PRPF40B: variants seen among roughly 807,000 people sequenced by gnomAD.
PRPF40B encodes pre-mRNA processing factor 40B.
PRPF40B carries 56 observed loss-of-function variants against 124.5 expected under a neutral mutation model. That is an observed-to-expected ratio of 0.45 (90% CI 0.36 to 0.56). The LOEUF (loss-of-function observed/expected upper bound fraction) is 0.56, where lower values mean the gene tolerates loss of function less well. PRPF40B is among the 20% of genes least tolerant of loss of function. PRPF40B has a pLI of 0.00. For synonymous variants in PRPF40B, 443 were observed against 426.4 expected, an observed-to-expected ratio of 1.04 and a Z score of -0.48; for missense variants, 1,053 against 1,169.5, an observed-to-expected ratio of 0.90 and a Z score of 1.45.
rs542266861 is a variant in PRPF40B at position 49,641,940 on chromosome 12, C to T, written c.1800C>T (p.Ala600=). Residue 600 remains alanine, a synonymous_variant, in exon 19 of 26, where the codon GCC becomes GCT. Transcript: ENST00000548825. ...GCTTCTGCGTGGAGGTGAACACGGC[C>T]TTTGAGGACTTCGCCCACGTCATAA... ...DRGFCVEVNT[A]FEDFAHVISF... The T allele has an allele frequency of 5.0e-6, 8 of 1,613,832 alleles. No homozygotes were observed. The highest frequency in any genetic ancestry group is 1.7e-4 in the Middle Eastern group (1 of 5,870).
chr12:49,636,620 A>T (rs1250350508), intron 15 of PRPF40B, 96 bp from the exon 16 acceptor site: 2 of 1,551,276 alleles, frequency 1.3e-6, no homozygotes, highest in African/African-American at 2.7e-5. Flanking sequence ...TATCCCTAGC[A>T]CCTGTAGGAC....
intron 1 of PRPF40B, among the ~76,000 whole-genome samples, chr12:49,625,586 T>G (rs1940633336): frequency 1.3e-5 from 2 of 152,196 alleles, no homozygotes; most frequent in Non-Finnish European, 2.9e-5. Context: ...GCCCCTTAGA[T>G]GTGAAGTCCC....
At chr12:49,623,846 G>A (rs1940440018) in intron 1 of PRPF40B, 1 of 1,138,596 alleles carries the variant, frequency 8.8e-7, no homozygotes, top group African/African-American at 1.6e-5. Flanking sequence ...ACTGGGTGAA[G>A]AGTGGGATTG....
intron 18 of PRPF40B, chr12:49,641,247 GC>G (rs1310750784): frequency 6.6e-6 from 1 of 152,302 alleles, no homozygotes; most frequent in Non-Finnish European, 1.5e-5. Flanking sequence ...ACACCTGGTG[GC>G]CTCCGTTTCT....
intron 18 of PRPF40B, chr12:49,640,377 T>C (rs1312359306): frequency 6.6e-6 from 1 of 152,252 alleles, no homozygotes; most frequent in African/African-American, 2.4e-5. Context: ...CTAAGTGCTG[T>C]TCTCAGGAAC....
In PRPF40B at chr12:49,631,668, T is replaced by A; in HGVS notation, c.228+124T>A. On this transcript the variant is annotated intron_variant, in intron 3 of 25. Coordinates refer to ENST00000548825, the MANE Select transcript of PRPF40B (RefSeq NM_001031698.3). This position sits in a 1 kb window ranked among gnomAD's most constrained non-coding sequence, Gnocchi z 4.3. ...AAGGGAGCTTTGGGCCAAACCCATG[T>A]GGATTTGTCTGCTGAATGACTGAGA... is the stretch of plus-strand genomic sequence containing the variant. The A allele has an allele frequency of 7.5e-7, 1 of 1,331,516 alleles. No individual in the cohort carries two copies. Among genetic ancestry groups the A allele is most frequent in the Non-Finnish European group, 1.1e-6 (1 of 947,000 alleles). 82.5% of individuals were successfully genotyped at this position (1,331,516 alleles called of 1,614,324 possible).
chr12:49,629,465 C>A (rs1182512024), intron 1 of PRPF40B, among the ~76,000 whole-genome samples: 1 of 152,120 alleles, frequency 6.6e-6, no homozygotes, highest in Non-Finnish European at 1.5e-5. Flanking sequence ...TAGGGCTATA[C>A]CTATAAAATT....
Position 49,642,831 on chromosome 12 carries a change from A to C in PRPF40B, c.2119-99A>C. 1.4e-6 allele frequency: 2 copies of C among 1,445,204 alleles called. No individual in the cohort carries two copies. Among genetic ancestry groups the C allele is most frequent in the South Asian group, 1.2e-5 (1 of 81,048 alleles). The allele number at this position is 1,445,204 out of a possible 1,614,324, so 89.5% of individuals were successfully genotyped here. ...ATCCCTGGGATAGGCAGAAGGCTCTAGTCTGAGAAAGGGAGGCAAAGCCAG... is the reference window on the plus strand; with the variant it reads ...ATCCCTGGGATAGGCAGAAGGCTCTCGTCTGAGAAAGGGAGGCAAAGCCAG... On this transcript the variant is annotated intron_variant, in intron 21 of 25. Coordinates refer to ENST00000548825, the MANE Select transcript of PRPF40B (RefSeq NM_001031698.3). The surrounding 1 kb of genome is among the most constrained non-coding windows in gnomAD (Gnocchi z 5.8).
chr12:49,632,609 C>T lies in PRPF40B; in HGVS notation c.308C>T (p.Ala103Val), dbSNP rs370614925. ...TTTCTTCGGCAGACGGCTCCGGGTGCGGACACCGCCAGCTGTGAGTCTTCT... is the reference window on the plus strand; with the variant it reads ...TTTCTTCGGCAGACGGCTCCGGGTGTGGACACCGCCAGCTGTGAGTCTTCT... ...VPVTAATAPG[A>V]DTASSAVAGT... Residue 103 changes from alanine (A) to valine (V), a missense_variant, in exon 5 of 26, where the codon GCG becomes GTG. Physicochemically the swap from Ala to Val is moderately conservative, Grantham distance 64. Coordinates refer to ENST00000548825, the MANE Select transcript of PRPF40B (RefSeq NM_001031698.3). 75 of 1,613,728 alleles carry T rather than the reference C, an allele frequency of 4.6e-5. No individual in the cohort carries two copies. Among genetic ancestry groups the T allele is most frequent in the East Asian group, 8.9e-5 (4 of 44,868 alleles).
chr12:49,628,131 G>A (rs536989157), intron 1 of PRPF40B, among the ~76,000 whole-genome samples: 5 of 152,310 alleles, frequency 3.3e-5, no homozygotes, highest in East Asian at 1.9e-4. Context: ...TGAGGAAAGC[G>A]TCAGGGGCAA....
Position 49,631,621 on chromosome 12 carries a change from A to T in PRPF40B, c.228+77A>T, listed in dbSNP as rs770410938. The T allele has an allele frequency of 5.2e-5, 78 of 1,489,752 alleles. No individual in the cohort carries two copies. The highest frequency in any genetic ancestry group is 5.9e-5 in the Non-Finnish European group (65 of 1,102,760). 92.3% of individuals were successfully genotyped at this position (1,489,752 alleles called of 1,614,324 possible). On this transcript the variant is annotated intron_variant, in intron 3 of 25. Coordinates refer to ENST00000548825, the MANE Select transcript of PRPF40B (RefSeq NM_001031698.3). The surrounding 1 kb of genome is among the most constrained non-coding windows in gnomAD (Gnocchi z 4.3). ...GGGGTGGAGATAAGAGCGGGCATGT[A>T]GGCCTCAGAAACTGGGGAAGGAAGG...
intron 18 of PRPF40B, chr12:49,640,100 A>T (rs1293310355): frequency 6.6e-6 from 1 of 152,222 alleles, no homozygotes; most frequent in Admixed American, 6.5e-5. Context: ...TGGAGGGCAG[A>T]TGAGCCCAGG....
chr12:49,625,064 T>C (rs1286518381), intron 1 of PRPF40B, among the ~76,000 whole-genome samples: 1 of 152,134 alleles, frequency 6.6e-6, no homozygotes, highest in African/African-American at 2.4e-5. Flanking sequence ...GCTACCACTT[T>C]CTGAGAGATG....
intron 17 of PRPF40B, 41 bp from the exon 18 acceptor site, chr12:49,637,692 A>T: frequency 1.8e-6 from 2 of 1,105,122 alleles, no homozygotes; most frequent in Non-Finnish European, 2.6e-6. Context: ...AGGCCTTGGG[A>T]AGCTGCCGCC....
chr12:49,623,923 T>G, intron 1 of PRPF40B: 121 of 1,061,754 alleles, frequency 1.1e-4, no homozygotes, highest in East Asian at 5.7e-4. Flanking sequence ...ATGAGGGGAC[T>G]GAGGGGACCA....
At chr12:49,641,782 C>T in intron 18 of PRPF40B, 126 bp from the exon 19 acceptor site, 2 of 739,066 alleles carry the variant, frequency 2.7e-6, no homozygotes, top group Non-Finnish European at 4.6e-6. Flanking sequence ...CTAATGCAGA[C>T]CACAGTCCTG....
chr12:49,634,266 G>A (rs1022369716), intron 10 of PRPF40B, 66 bp from the exon 11 acceptor site: 2 of 1,610,770 alleles, frequency 1.2e-6, no homozygotes, highest in Non-Finnish European at 1.7e-6. Context: ...ATGTTGCCAG[G>A]AGTTCAGGGC....
At chr12:49,627,014 T>G (rs1940780674) in intron 1 of PRPF40B, among the ~76,000 whole-genome samples, 2 of 152,216 alleles carry the variant, frequency 1.3e-5, no homozygotes, top group Admixed American at 1.3e-4. Context: ...CCTACTGTTT[T>G]GTAGGACTTG....
Position 49,631,481 on chromosome 12 carries a change from C to A in PRPF40B, c.165C>A (p.Pro55=). ...GTCAGAGACCACCAGCTATCCCCCC[C>A]ATGCCACCTGGCATCCTGCCCCCAA... ...PMSQRPPAIP[P]MPPGILPPML... Residue 55 remains proline, a synonymous_variant, in exon 3 of 26, where the codon CCC becomes CCA. Transcript: ENST00000548825. The surrounding 1 kb of genome is among the most constrained non-coding windows in gnomAD (Gnocchi z 4.3). The A allele has an allele frequency of 6.5e-7, 1 of 1,537,092 alleles. No individual in the cohort carries two copies. The highest frequency in any genetic ancestry group is 8.7e-7 in the Non-Finnish European group (1 of 1,147,576).
Sources: gnomAD v4.1 joint callset for allele counts (sites outside exome capture counted in the v4.1 genomes callset) on GRCh38, gnomAD v4.1.1 for gene constraint, Gnocchi (gnomAD v3.1) non-coding constraint, MANE v1.5 for transcripts, NCBI Gene and HGNC (gene_info 2026-07-23, HGNC 2026-07-21) for gene names.